The following FSTL5 variants were observed in gnomAD, a reference collection of about 807,000 sequenced individuals.
The protein encoded by FSTL5 is follistatin-related protein 5.
FSTL5 carries 62 observed loss-of-function variants against 89.1 expected under a neutral mutation model. That is an observed-to-expected ratio of 0.70 (90% CI 0.57 to 0.86). FSTL5 has a LOEUF of 0.86. FSTL5 is among the 40% of genes least tolerant of loss of function. The pLI, the probability that FSTL5 is intolerant of heterozygous loss-of-function variation, is 0.00. For missense variants in FSTL5, 1,057 were observed against 1,001.6 expected, an observed-to-expected ratio of 1.06 and a Z score of -0.75; for synonymous variants, 383 against 346.2, an observed-to-expected ratio of 1.11 and a Z score of -1.18.
chr4:161,867,353 C>G (rs1407616633), intron 4 of FSTL5, among the ~76,000 whole-genome samples: 7 of 151,830 alleles, frequency 4.6e-5, no homozygotes, highest in African/African-American at 1.7e-4. Flanking sequence ...TCTCAAATTA[C>G]TAATTACTAA....
chr4:161,643,833 T>C (rs1736047385), intron 7 of FSTL5, among the ~76,000 whole-genome samples: 2 of 152,100 alleles, frequency 1.3e-5, no homozygotes, highest in Admixed American at 1.3e-4. Context: ...TGTAAGAAAA[T>C]AAAATCTTCA....
At chr4:161,876,924 C>T (rs1475414007) in intron 4 of FSTL5, among the ~76,000 whole-genome samples, 4 of 151,986 alleles carry the variant, frequency 2.6e-5, no homozygotes, top group African/African-American at 9.7e-5. Context: ...GTGGCTCACA[C>T]CTGTAATCCC....
intron 6 of FSTL5, among the ~76,000 whole-genome samples, chr4:161,750,244 A>T (rs1435394636): frequency 6.6e-6 from 1 of 152,194 alleles, no homozygotes; most frequent in African/African-American, 2.4e-5. Flanking sequence ...TAGAGAAGTC[A>T]TTATAATTTG....
At chr4:161,937,849 G>A (rs1036891007) in intron 3 of FSTL5, among the ~76,000 whole-genome samples, 2 of 152,040 alleles carry the variant, frequency 1.3e-5, no homozygotes, top group African/African-American at 4.8e-5. Context: ...TTGGTGTCTG[G>A]TCCACAATTT....
intron 7 of FSTL5, among the ~76,000 whole-genome samples, chr4:161,589,596 G>T (rs896561133): frequency 2.0e-5 from 3 of 152,044 alleles, no homozygotes; most frequent in African/African-American, 7.2e-5. Context: ...GGGATTACAG[G>T]AATCAGCCAC....
At chr4:161,839,612 T>C (rs1425091464) in intron 4 of FSTL5, among the ~76,000 whole-genome samples, 1 of 152,052 alleles carries the variant, frequency 6.6e-6, no homozygotes, top group Non-Finnish European at 1.5e-5. Flanking sequence ...AAACCATGTA[T>C]ATACTGTTGG....
At chr4:161,552,994 A>T (rs1033803403) in intron 8 of FSTL5, among the ~76,000 whole-genome samples, 17 of 151,670 alleles carry the variant, frequency 1.1e-4, no homozygotes. Flanking sequence ...ACATGAAAAA[A>T]AGAAACTGAT....
chr4:161,509,354 C>A (rs1382457598), intron 11 of FSTL5, among the ~76,000 whole-genome samples: 3 of 152,082 alleles, frequency 2.0e-5, no homozygotes, highest in African/African-American at 7.2e-5. Context: ...AGGCTACTTT[C>A]ATTAACGAGT....
chr4:161,579,445 C>T (rs1383270867), intron 8 of FSTL5, among the ~76,000 whole-genome samples: 19 of 151,988 alleles, frequency 1.3e-4, no homozygotes, highest in African/African-American at 2.7e-4. Context: ...AGGCTGGGCA[C>T]GGTGGCTCAC....
At chr4:161,779,787 A>ATATATATATATG (rs1741572770) in intron 4 of FSTL5, among the ~76,000 whole-genome samples, 1 of 30,116 alleles carries the variant, frequency 3.3e-5, no homozygotes, top group Non-Finnish European at 5.1e-5. Context: ...ATATATATAT[A>ATATATATATATG]TATATATATA....
intron 12 of FSTL5, among the ~76,000 whole-genome samples, chr4:161,490,730 G>C (rs555190320): frequency 1.3e-5 from 2 of 152,200 alleles, no homozygotes; most frequent in Admixed American, 6.5e-5. Context: ...ATGTTTTACA[G>C]AGATAATTAT....
intron 12 of FSTL5, among the ~76,000 whole-genome samples, chr4:161,486,851 A>T (rs1013408297): frequency 1.2e-4 from 18 of 152,234 alleles, no homozygotes; most frequent in African/African-American, 4.3e-4. Flanking sequence ...TTAATTACAA[A>T]TGTATAACTT....
intron 4 of FSTL5, among the ~76,000 whole-genome samples, chr4:161,803,160 T>C (rs1035804314): frequency 2.0e-5 from 3 of 151,956 alleles, no homozygotes; most frequent in Non-Finnish European, 4.4e-5. Flanking sequence ...TAACTCAGTG[T>C]GTATCACTGG....
At chr4:161,865,065 T>C (rs1732038208) in intron 4 of FSTL5, among the ~76,000 whole-genome samples, 1 of 151,940 alleles carries the variant, frequency 6.6e-6, no homozygotes, top group Admixed American at 6.6e-5. Flanking sequence ...AAAAAACCTA[T>C]GCATTTATAT....
chr4:162,070,478 T>A (rs1428707505), intron 2 of FSTL5, among the ~76,000 whole-genome samples: 4 of 151,866 alleles, frequency 2.6e-5, no homozygotes, highest in Non-Finnish European at 5.9e-5. Flanking sequence ...GGTTGCATAG[T>A]TTTGAGCTTT....
intron 7 of FSTL5, among the ~76,000 whole-genome samples, chr4:161,650,827 G>A (rs766935860): frequency 1.3e-5 from 2 of 152,076 alleles, no homozygotes; most frequent in African/African-American, 2.4e-5. Flanking sequence ...ACTGAACGGT[G>A]AGCAACTCTA....
intron 4 of FSTL5, among the ~76,000 whole-genome samples, chr4:161,827,303 G>A (rs1172008485): frequency 3.3e-5 from 5 of 152,216 alleles, no homozygotes; most frequent in Admixed American, 1.3e-4. Flanking sequence ...GATGTGAACC[G>A]TCTTCAGGTC....
chr4:161,666,358 T>C (rs28754568), intron 6 of FSTL5, among the ~76,000 whole-genome samples: 2 of 152,216 alleles, frequency 1.3e-5, no homozygotes, highest in African/African-American at 4.8e-5. Flanking sequence ...ACCCTTCAAA[T>C]TGGCTTGAAT....
chr4:161,796,973 G>A (rs1729650214), intron 4 of FSTL5, among the ~76,000 whole-genome samples: 1 of 151,234 alleles, frequency 6.6e-6, no homozygotes, highest in African/African-American at 2.4e-5. Context: ...GTTATCTCAG[G>A]ACTCTTTTAT....
Sources: allele counts gnomAD v4.1 joint callset (sites outside exome capture counted in the v4.1 genomes callset), GRCh38; gene constraint gnomAD v4.1.1; transcripts MANE v1.5; gene names NCBI Gene and HGNC (gene_info 2026-07-23, HGNC 2026-07-21).